Variants in ZC3H12B observed in about 807,000 individuals in gnomAD.
ZC3H12B encodes zinc finger CCCH-type containing 12B, also known as probable ribonuclease ZC3H12B.
A neutral mutation model predicts 43.9 loss-of-function variants in ZC3H12B; 7 were observed. That is an observed-to-expected ratio of 0.16 (90% CI 0.09 to 0.30). The LOEUF (loss-of-function observed/expected upper bound fraction) is 0.30. Among genes scored for constraint, ZC3H12B ranks in the 10% least tolerant of loss-of-function variants. The pLI is 1.00. For missense variants in ZC3H12B, 475 were observed against 670.2 expected, an observed-to-expected ratio of 0.71 and a Z score of 3.22; for synonymous variants, 222 against 241.7, an observed-to-expected ratio of 0.92 and a Z score of 0.76.
the ZC3H12B span, among the ~76,000 whole-genome samples, chrX:65,114,528 A>G: frequency 1.8e-5 from 2 of 110,540 alleles, no homozygotes; most frequent in African/African-American, 3.3e-5. Flanking sequence ...CTGTGTGAAG[A>G]GCTCATCATA....
chrX:65,225,698 A>C, the ZC3H12B span, among the ~76,000 whole-genome samples: 3 of 112,510 alleles, frequency 2.7e-5, no homozygotes, highest in African/African-American at 9.7e-5. Context: ...ATGGAGCTGA[A>C]AGCCAAGGCT....
chrX:65,493,205 G>A (rs1404658086), intron 1 of ZC3H12B, among the ~76,000 whole-genome samples: 1 of 110,434 alleles, frequency 9.1e-6, no homozygotes, highest in African/African-American at 3.3e-5. Flanking sequence ...TCAGGAGTTC[G>A]AGACCAGCCT....
chrX:65,202,208 T>G, the ZC3H12B span, among the ~76,000 whole-genome samples: 12 of 91,596 alleles, frequency 1.3e-4, no homozygotes, highest in East Asian at 2.8e-3. Context: ...ATATATAATA[T>G]TACAGTCTTG....
At chrX:65,473,268 G>C (rs890995855) in intron 3 of ZC3H12B, among the ~76,000 whole-genome samples, 3 of 108,557 alleles carry the variant, frequency 2.8e-5, no homozygotes, top group African/African-American at 1.0e-4. Flanking sequence ...CACCCACCTC[G>C]GCCTCCCAAA....
chrX:65,289,392 C>T, the ZC3H12B span, among the ~76,000 whole-genome samples: 8 of 109,969 alleles, frequency 7.3e-5, no homozygotes, highest in African/African-American at 2.6e-4. Context: ...CTATCAGATA[C>T]TATACCCACT....
chrX:65,154,192 G>A, the ZC3H12B span, among the ~76,000 whole-genome samples: 406 of 110,996 alleles, frequency 3.7e-3, 2 homozygotes, highest in African/African-American at 0.012. Flanking sequence ...TAACTAACCT[G>A]CACATTGTGC....
the ZC3H12B span, among the ~76,000 whole-genome samples, chrX:65,227,355 C>G: frequency 1.5e-4 from 17 of 111,609 alleles, no homozygotes; most frequent in Middle Eastern, 4.6e-3. Flanking sequence ...ACACAACATA[C>G]CAGAATCTCT....
At chrX:65,062,957 T>A in the ZC3H12B span, among the ~76,000 whole-genome samples, 1 of 111,705 alleles carries the variant, frequency 9.0e-6, no homozygotes, top group Non-Finnish European at 1.9e-5. Context: ...TTTGGCTCTC[T>A]GTTTGTCTAT....
At chrX:65,248,669 G>A in the ZC3H12B span, among the ~76,000 whole-genome samples, 1 of 111,595 alleles carries the variant, frequency 9.0e-6, no homozygotes, top group Non-Finnish European at 1.9e-5. Context: ...GTTTTCCATA[G>A]TGGTTTTACT....
At chrX:65,174,046 G>T in the ZC3H12B span, among the ~76,000 whole-genome samples, 1 of 111,449 alleles carries the variant, frequency 9.0e-6, no homozygotes, top group Non-Finnish European at 1.9e-5. Flanking sequence ...TCCAGAAACT[G>T]TTTGCCTGGG....
chrX:65,245,922 T>TA, the ZC3H12B span, among the ~76,000 whole-genome samples: 1 of 109,913 alleles, frequency 9.1e-6, no homozygotes, highest in Non-Finnish European at 1.9e-5. Context: ...CTTAAAATAT[T>TA]TAAAAAAAAA....
the ZC3H12B span, among the ~76,000 whole-genome samples, chrX:65,189,679 T>C: frequency 1.9e-5 from 2 of 106,058 alleles, no homozygotes; most frequent in African/African-American, 3.5e-5. Flanking sequence ...TTGAGTTCAT[T>C]GTAGATTCTG....
chrX:65,219,105 C>T, the ZC3H12B span, among the ~76,000 whole-genome samples: 2 of 111,568 alleles, frequency 1.8e-5, no homozygotes, highest in Non-Finnish European at 3.8e-5. Flanking sequence ...CAAGAAGCTC[C>T]ATCTCTAGGG....
the ZC3H12B span, among the ~76,000 whole-genome samples, chrX:65,281,137 AC>A: frequency 9.0e-6 from 1 of 111,438 alleles, no homozygotes; most frequent in Admixed American, 9.6e-5. Flanking sequence ...AGCTGTAATA[AC>A]CAAAACAACA....
the ZC3H12B span, among the ~76,000 whole-genome samples, chrX:65,122,288 C>T: frequency 9.0e-6 from 1 of 110,727 alleles, no homozygotes; most frequent in Non-Finnish European, 1.9e-5. Flanking sequence ...CCAAACTAAG[C>T]CTCATAAATG....
At chrX:65,362,582 C>G (rs1050695806), upstream of ZC3H12B, among the ~76,000 whole-genome samples, 1 of 110,209 alleles carries the variant, frequency 9.1e-6, no homozygotes, top group Non-Finnish European at 1.9e-5. Flanking sequence ...CATATCCCCC[C>G]ACCTTAACCC....
At chrX:65,147,327 A>G in the ZC3H12B span, among the ~76,000 whole-genome samples, 3 of 111,284 alleles carry the variant, frequency 2.7e-5, no homozygotes, top group Non-Finnish European at 3.8e-5. Flanking sequence ...CAGAAGTTGG[A>G]TGGGCCCAGT....
the ZC3H12B span, among the ~76,000 whole-genome samples, chrX:65,309,811 C>T: frequency 8.9e-6 from 1 of 111,804 alleles, no homozygotes; most frequent in Non-Finnish European, 1.9e-5. Context: ...ACGATCAACT[C>T]GACTTCATCC....
intron 2 of ZC3H12B, among the ~76,000 whole-genome samples, chrX:65,389,086 G>C (rs180809480): frequency 5.2e-4 from 58 of 112,242 alleles, no homozygotes; most frequent in African/African-American, 1.8e-3. Context: ...TGGGGTTCAG[G>C]GACCAATTTG....
Sources: allele counts gnomAD v4.1 joint callset (sites outside exome capture counted in the v4.1 genomes callset), GRCh38; gene constraint gnomAD v4.1.1; transcripts MANE v1.5; gene names NCBI Gene and HGNC (gene_info 2026-07-23, HGNC 2026-07-21).